KAZN: variants seen among roughly 807,000 people sequenced by gnomAD.
KAZN encodes kazrin.
In KAZN, 40 loss-of-function variants were observed where a neutral mutation model predicts 87.4. That is an observed-to-expected ratio of 0.46 (90% confidence interval 0.36 to 0.60). The LOEUF is 0.60. Among genes scored for constraint, KAZN ranks in the 20% least tolerant of loss-of-function variants. The probability of loss-of-function intolerance (pLI) is 0.00; values close to 1 mark genes in which losing one functional copy is unlikely to be tolerated. For synonymous variants in KAZN, 466 were observed against 458.3 expected (o/e 1.02, Z -0.22); for missense variants, 898 against 1,073.9 (o/e 0.84, Z 2.29).
intron 1 of KAZN, among the ~76,000 whole-genome samples, chr1:14,643,168 T>TTTAAC (rs1680537032): frequency 6.6e-6 from 1 of 152,248 alleles, no homozygotes; most frequent in South Asian, 2.1e-4. Flanking sequence ...ATGGATTTTT[T>TTTAAC]TTAACTTTTA....
intron 1 of KAZN, among the ~76,000 whole-genome samples, chr1:14,952,714 A>T (rs1447118438): frequency 6.6e-6 from 1 of 151,990 alleles, no homozygotes; most frequent in Non-Finnish European, 1.5e-5. Context: ...AGCCTTCAGC[A>T]CATTCATCTC....
At chr1:14,374,838 C>T (rs999040243) in intron 2 of KAZN, among the ~76,000 whole-genome samples, 5 of 152,144 alleles carry the variant, frequency 3.3e-5, no homozygotes, top group African/African-American at 1.2e-4. Context: ...GCAGACATAG[C>T]CTGAATCTGT....
chr1:14,344,383 TTATTA>T (rs1198433668), intron 2 of KAZN, among the ~76,000 whole-genome samples: 4 of 152,196 alleles, frequency 2.6e-5, no homozygotes, highest in African/African-American at 4.8e-5. Context: ...AATTTTATTT[TTATTA>T]TATTGTGCTA....
chr1:14,052,777 G>A (rs149205571), intron 1 of KAZN, among the ~76,000 whole-genome samples: 1 of 152,330 alleles, frequency 6.6e-6, no homozygotes, highest in Non-Finnish European at 1.5e-5. Flanking sequence ...TTCGAGCAAG[G>A]AGCTGAATGA....
At chr1:14,954,537 G>C (rs1252951540) in intron 1 of KAZN, among the ~76,000 whole-genome samples, 1 of 152,242 alleles carries the variant, frequency 6.6e-6, no homozygotes, top group African/African-American at 2.4e-5. Flanking sequence ...CAACAGGAGA[G>C]CTTCGTGCAG....
In KAZN at chr1:14,856,365, G is replaced by A. The variant is rs752454775; in HGVS notation, c.227-104319G>A. On this transcript the variant is annotated intron_variant, in intron 1 of 14. Transcript: ENST00000376030. This position sits in a 1 kb window ranked among gnomAD's most constrained non-coding sequence, Gnocchi z 5.2. Reference sequence around the variant, plus strand: ...TACCAACCCTAGAGGTTTCTTTAAAGACAAGTGAAGATTCAATGCTAAGGA... The same window carrying A: ...TACCAACCCTAGAGGTTTCTTTAAAAACAAGTGAAGATTCAATGCTAAGGA... Among the ~76,000 whole-genome samples, 2 of 152,206 alleles carry A rather than the reference G, an allele frequency of 1.3e-5. No homozygotes were observed. Among genetic ancestry groups the A allele is most frequent in the Non-Finnish European group, 1.5e-5 (1 of 68,030 alleles).
chr1:14,925,068 T>C (rs80173829), intron 1 of KAZN, among the ~76,000 whole-genome samples: 3,507 of 152,342 alleles, frequency 0.023, 140 homozygotes, highest in African/African-American at 0.081. Flanking sequence ...ACACTTGAAC[T>C]CCGAGTAATG....
At chr1:14,162,736 T>G (rs7545920) in intron 1 of KAZN, among the ~76,000 whole-genome samples, 26,422 of 151,740 alleles carry the variant, frequency 0.17, 2,866 homozygotes, top group East Asian at 0.33. Context: ...AGTAGAGACG[T>G]GGTTTCACCG....
chr1:14,602,192 C>T (rs1025513566), intron 1 of KAZN, among the ~76,000 whole-genome samples: 1 of 152,060 alleles, frequency 6.6e-6, no homozygotes, highest in African/African-American at 2.4e-5. Flanking sequence ...GTTGGTACTC[C>T]CTGTGAGCTG....
chr1:14,571,055 A>G (rs764224060), intron 2 of KAZN, among the ~76,000 whole-genome samples: 3 of 152,126 alleles, frequency 2.0e-5, no homozygotes, highest in Non-Finnish European at 2.9e-5. Flanking sequence ...CCCCGACCTC[A>G]ACGGAATGAC....
rs915484411 is a variant in KAZN at position 14,662,258 on chromosome 1, G to T, written c.226+63035G>T. On this transcript the variant is annotated intron_variant, in intron 1 of 14. Transcript: ENST00000376030. Reference sequence around the variant, plus strand: ...CTTTGAGCGATTGCCCTGTTACTAGGTGTCAGTGTGGGCACAGGTCCAAAG... The same window carrying T: ...CTTTGAGCGATTGCCCTGTTACTAGTTGTCAGTGTGGGCACAGGTCCAAAG... 2.0e-5 allele frequency among the ~76,000 whole-genome samples: 3 copies of T among 152,268 alleles called. No homozygotes were observed. The South Asian group carries it at 6.2e-4, about 32-fold the overall frequency.
chr1:14,887,561 A>AT (rs985529863), intron 1 of KAZN, among the ~76,000 whole-genome samples: 1 of 151,952 alleles, frequency 6.6e-6, no homozygotes, highest in African/African-American at 2.4e-5. Context: ...TCAGTTAAAC[A>AT]TTTTTTTAGT....
At chr1:14,219,699 A>T (rs1485421919) in intron 2 of KAZN, among the ~76,000 whole-genome samples, 1 of 152,204 alleles carries the variant, frequency 6.6e-6, no homozygotes. Context: ...TTATGATAGT[A>T]TAGAGAAATG....
At chr1:14,191,819 C>T (rs935949779) in intron 2 of KAZN, among the ~76,000 whole-genome samples, 1 of 152,108 alleles carries the variant, frequency 6.6e-6, no homozygotes, top group Non-Finnish European at 1.5e-5. Flanking sequence ...ACAGCAGCTG[C>T]CTCACACAGG....
chr1:14,274,230 C>G (rs527598207), intron 2 of KAZN, among the ~76,000 whole-genome samples: 1 of 152,194 alleles, frequency 6.6e-6, no homozygotes, highest in Non-Finnish European at 1.5e-5. Flanking sequence ...TTATTACAAG[C>G]CTTTTCAGTA....
chr1:13,962,732 A>G (rs1310467659), intron 1 of KAZN, among the ~76,000 whole-genome samples: 1 of 151,912 alleles, frequency 6.6e-6, no homozygotes, highest in Non-Finnish European at 1.5e-5. Flanking sequence ...TAAGTTTTGT[A>G]TTTTTAGTAG....
intron 1 of KAZN, among the ~76,000 whole-genome samples, chr1:14,711,916 C>G (rs890713329): frequency 1.3e-5 from 2 of 152,184 alleles, no homozygotes; most frequent in African/African-American, 4.8e-5. Context: ...GCCATTAGGA[C>G]CGGGACAGCT....
intron 2 of KAZN, among the ~76,000 whole-genome samples, chr1:14,321,892 G>T (rs16853943): frequency 0.023 from 3,519 of 152,214 alleles, 149 homozygotes; most frequent in African/African-American, 0.08. Flanking sequence ...AAAGAAGAGA[G>T]CTTACCCATG....
rs1403012387 is a variant in KAZN, at chr1:14,281,779, C to G, written c.249+101187C>G. On this transcript the variant is annotated intron_variant, in intron 2 of 16. Coordinates refer to the KAZN transcript ENST00000636203. ...GAAATGAACAACAGAGACCCTGCTTCCTACTGTCACTTTGCTTCCTGGAGC... is the reference window on the plus strand; with the variant it reads ...GAAATGAACAACAGAGACCCTGCTTGCTACTGTCACTTTGCTTCCTGGAGC... Among the ~76,000 whole-genome samples the G allele has an allele frequency of 2.6e-5, 4 of 152,334 alleles. No individual in the cohort carries two copies. In the East Asian group the frequency reaches 7.7e-4, roughly 29 times the overall value.
Sources: allele counts gnomAD v4.1 joint callset (sites outside exome capture counted in the v4.1 genomes callset), GRCh38; gene constraint gnomAD v4.1.1; non-coding constraint Gnocchi (gnomAD v3.1); transcripts MANE v1.5; gene names NCBI Gene and HGNC (gene_info 2026-07-23, HGNC 2026-07-21).